Variants in F2 observed in about 807,000 individuals in gnomAD.
F2 encodes the protein prothrombin.
F2 carries 34 observed loss-of-function variants against 81.9 expected under a neutral mutation model. The ratio of observed to expected loss-of-function variants is 0.42; its 90% confidence interval spans 0.32 to 0.55. The LOEUF is 0.55. F2 is among the 20% of genes least tolerant of loss of function. The pLI, the probability that F2 is intolerant of heterozygous loss-of-function variation, is 0.18. For synonymous variants in F2, 296 were observed against 326.4 expected (o/e 0.91, Z 1.01); for missense variants, 630 against 833.4 (o/e 0.76, Z 3.00).
chr11:46,730,881 C>T (rs2064907252), intron 12 of F2, among the ~76,000 whole-genome samples: 2 of 150,480 alleles, frequency 1.3e-5, no homozygotes, highest in Non-Finnish European at 3.0e-5. Flanking sequence ...AAAAAATACC[C>T]AAGGATGTTC....
At chr11:46,731,591 C>T (rs2064912234) in intron 12 of F2, among the ~76,000 whole-genome samples, 1 of 145,486 alleles carries the variant, frequency 6.9e-6, no homozygotes, top group African/African-American at 2.5e-5. Flanking sequence ...AAAAAAAAAG[C>T]GTGTTTCTCA....
intron 4 of F2, among the ~76,000 whole-genome samples, 181 bp downstream of exon 4, chr11:46,721,021 A>G (rs3136437): frequency 4.0e-4 from 61 of 152,076 alleles, no homozygotes; most frequent in African/African-American, 1.4e-3. Flanking sequence ...ATGCGAACGA[A>G]TGAATGAATG....
At chr11:46,729,666 C>A in intron 12 of F2, 105 bp downstream of exon 12, 2 of 1,293,518 alleles carry the variant, frequency 1.5e-6, no homozygotes, top group Non-Finnish European at 2.2e-6. Flanking sequence ...TGCCTAACCT[C>A]TTGGTGGCTC....
Position 46,728,275 on chromosome 11 carries a change from A to G in F2, c.1298+112A>G, listed in dbSNP as rs1464343701. 3 of 1,170,800 alleles carry G rather than the reference A, an allele frequency of 2.6e-6. No homozygotes were observed. Among genetic ancestry groups the G allele is most frequent in the African/African-American group, 3.0e-5 (2 of 65,822 alleles). 72.5% of individuals were successfully genotyped at this position (1,170,800 alleles called of 1,614,324 possible). On this transcript the variant is annotated intron_variant, in intron 10 of 13. Coordinates refer to ENST00000311907, the MANE Select transcript of F2 (RefSeq NM_000506.5). This position sits in a 1 kb window ranked among gnomAD's most constrained non-coding sequence, Gnocchi z 5.1. The stretch of plus-strand genomic sequence containing the variant: ...TAGGATGTTCTGTATACCCCCCAGA[A>G]TATAACATCCCAGCAGTCTCTGCTG...
At chr11:46,731,963 C>T (rs371326337) in intron 12 of F2, among the ~76,000 whole-genome samples, 11 of 130,010 alleles carry the variant, frequency 8.5e-5, no homozygotes, top group African/African-American at 3.3e-4. Context: ...ATCACCCGGG[C>T]TGGAGTGTGT....
In F2 at chr11:46,720,545, C is replaced by T; in HGVS notation, c.263C>T (p.Thr88Ile). Residue 88 changes from threonine (T) to isoleucine (I), a missense_variant and splice_region_variant, in exon 3 of 14, where the codon ACA becomes ATA. By Grantham distance (89) the Thr-to-Ile change is moderately conservative (BLOSUM62 -1). Coordinates refer to ENST00000311907, the MANE Select transcript of F2 (RefSeq NM_000506.5). Reference protein sequence around the residue: ...TATDVFWAKYTACETARTPRD... With the variant: ...TATDVFWAKYIACETARTPRD... ...CAGGATGTGTTCTGGGCCAAGTACA[C>T]AGGTGAGCACCGGGAAGGATTTGCC... 1 of 1,614,156 alleles carries T rather than the reference C, an allele frequency of 6.2e-7. No homozygotes were observed. Among genetic ancestry groups the T allele is most frequent in the Non-Finnish European group, 8.5e-7 (1 of 1,180,008 alleles).
Position 46,726,957 on chromosome 11 carries a change from G to T in F2, c.1130+120G>T. 6.7e-7 allele frequency: 1 copy of T among 1,493,762 alleles called. No homozygotes were observed. 92.5% of individuals were successfully genotyped at this position (1,493,762 alleles called of 1,614,324 possible). On this transcript the variant is annotated intron_variant, in intron 9 of 13. Transcript: ENST00000311907. This position sits in a 1 kb window ranked among gnomAD's most constrained non-coding sequence, Gnocchi z 5.9. Reference sequence around the variant, plus strand: ...CAGATGACAACAGCTGAGCATCCAGGATCCCACCAACTCCACACAGCAGCC... The same window carrying T: ...CAGATGACAACAGCTGAGCATCCAGTATCCCACCAACTCCACACAGCAGCC...
intron 12 of F2, among the ~76,000 whole-genome samples, chr11:46,730,031 CTGA>C (rs1373462073): frequency 6.6e-6 from 1 of 152,108 alleles, no homozygotes; most frequent in Non-Finnish European, 1.5e-5. Flanking sequence ...GAGAGAACGG[CTGA>C]TGAAGTGGGC....
Position 46,728,516 on chromosome 11 carries a change from C to A in F2, c.1299-148C>A. ...GGCTTTAGGCCCAGGAAGAAACACC[C>A]AGGGGGCTGCCATGGCAGGAACCAG... On this transcript the variant is annotated intron_variant, in intron 10 of 13. Coordinates refer to ENST00000311907, the MANE Select transcript of F2 (RefSeq NM_000506.5). The surrounding 1 kb of genome is among the most constrained non-coding windows in gnomAD (Gnocchi z 5.1). 2.2e-6 allele frequency: 2 copies of A among 890,714 alleles called. No individual in the cohort carries two copies. Among genetic ancestry groups the A allele is most frequent in the Admixed American group, 2.2e-5 (1 of 46,464 alleles). The allele number at this position is 890,714 out of a possible 1,614,324, so 55.2% of individuals were successfully genotyped here.
In F2 at chr11:46,719,336, G is replaced by A; in HGVS notation, c.79+22G>A. On this transcript the variant is annotated intron_variant, in intron 1 of 13. Transcript: ENST00000311907. This position sits in a 1 kb window ranked among gnomAD's most constrained non-coding sequence, Gnocchi z 4.7. ...CATGGTAAGGGAGTGCTTGCAGGCT[G>A]GAACAGGCTGGAGGACTGGGGTGTG... 6.2e-7 allele frequency: 1 copy of A among 1,605,996 alleles called. No homozygotes were observed. Among genetic ancestry groups the A allele is most frequent in the Non-Finnish European group, 8.5e-7 (1 of 1,176,616 alleles).
chr11:46,732,373 T>A, intron 12 of F2, among the ~76,000 whole-genome samples: 1 of 152,060 alleles, frequency 6.6e-6, no homozygotes, highest in Non-Finnish European at 1.5e-5. Context: ...GGATCCTTAC[T>A]TTATTCTAAG....
chr11:46,731,965 G>A (rs2064915565), intron 12 of F2, among the ~76,000 whole-genome samples: 1 of 146,036 alleles, frequency 6.8e-6, no homozygotes, highest in Non-Finnish European at 1.5e-5. Context: ...CACCCGGGCT[G>A]GAGTGTGTGG....
intron 12 of F2, among the ~76,000 whole-genome samples, chr11:46,738,307 G>T (rs576864005): frequency 3.8e-4 from 58 of 152,066 alleles, no homozygotes; most frequent in Middle Eastern, 3.4e-3. Context: ...TGAAGGTGTG[G>T]TTTTTTTGTG....
chr11:46,737,929 G>C (rs1043371470), intron 12 of F2, among the ~76,000 whole-genome samples: 14 of 151,662 alleles, frequency 9.2e-5, no homozygotes, highest in Admixed American at 6.6e-4. Context: ...GAACTCCTGG[G>C]CTCAAGCAAT....
At chr11:46,734,311 T>G (rs992162605) in intron 12 of F2, among the ~76,000 whole-genome samples, 8 of 152,096 alleles carry the variant, frequency 5.3e-5, no homozygotes, top group Non-Finnish European at 8.8e-5. Flanking sequence ...TTTTGCCCAT[T>G]TTTTGGTCCC....
rs2064893491 is a variant in F2 at position 46,728,955 on chromosome 11, G to A, written c.1472+118G>A. On this transcript the variant is annotated intron_variant, in intron 11 of 13. Transcript: ENST00000311907. The surrounding 1 kb of genome is among the most constrained non-coding windows in gnomAD (Gnocchi z 5.1). The stretch of plus-strand genomic sequence containing the variant: ...TTTCCAGGCCTCGGTTTCTTGGAGT[G>A]AACCCAAAAGTTCTTTTCAGTACTG... 2 of 1,026,936 alleles carry A rather than the reference G, an allele frequency of 1.9e-6. No individual in the cohort carries two copies. Among genetic ancestry groups the A allele is most frequent in the Admixed American group, 2.2e-5 (1 of 46,306 alleles). The allele number at this position is 1,026,936 out of a possible 1,614,324, so 63.6% of individuals were successfully genotyped here. A position where few individuals can be genotyped will look rare whatever the true frequency, so the allele number is the denominator to read the frequency against.
chr11:46,726,254 G>T lies in F2; in HGVS notation c.874+81G>T. 6.4e-7 allele frequency: 1 copy of T among 1,566,376 alleles called. No homozygotes were observed. On this transcript the variant is annotated intron_variant, in intron 7 of 13. Coordinates refer to ENST00000311907, the MANE Select transcript of F2 (RefSeq NM_000506.5). This position sits in a 1 kb window ranked among gnomAD's most constrained non-coding sequence, Gnocchi z 5.9. The stretch of plus-strand genomic sequence containing the variant: ...CAACAGCCGCTTCTGCTTATCGAAC[G>T]CTTACCTCATTGAGTGCGCTCATTA...
intron 12 of F2, among the ~76,000 whole-genome samples, chr11:46,737,290 C>T (rs545296394): frequency 3.3e-5 from 5 of 151,654 alleles, no homozygotes; most frequent in South Asian, 2.1e-4. Context: ...TACAGGTGCA[C>T]GCCACCATGC....
rs2064822241 is a variant in F2 at position 46,719,628 on chromosome 11, C to G, written c.80-74C>G. 6.5e-7 allele frequency: 1 copy of G among 1,531,130 alleles called. No homozygotes were observed. Among genetic ancestry groups the G allele is most frequent in the Admixed American group, 2.0e-5 (1 of 51,024 alleles). The allele number at this position is 1,531,130 out of a possible 1,614,324, so 94.8% of individuals were successfully genotyped here. Reference sequence around the variant, plus strand: ...AAGCCAGCAGGGGAGGGTGGGCTTGCTTCATGCCCCCAGAATGGCCAAGAC... The same window carrying G: ...AAGCCAGCAGGGGAGGGTGGGCTTGGTTCATGCCCCCAGAATGGCCAAGAC... On this transcript the variant is annotated intron_variant, in intron 1 of 13. Transcript: ENST00000311907. This position sits in a 1 kb window ranked among gnomAD's most constrained non-coding sequence, Gnocchi z 4.7.
Sources: gnomAD v4.1 joint callset for allele counts (sites outside exome capture counted in the v4.1 genomes callset) on GRCh38, gnomAD v4.1.1 for gene constraint, Gnocchi (gnomAD v3.1) non-coding constraint, MANE v1.5 for transcripts, NCBI Gene and HGNC (gene_info 2026-07-23, HGNC 2026-07-21) for gene names.